Variants in KALRN observed in about 807,000 individuals in gnomAD.
KALRN encodes kalirin.
In KALRN, 70 loss-of-function variants were observed where a neutral mutation model predicts 353.7. The observed-to-expected ratio is 0.20, with a 90% CI of 0.16 to 0.24. The LOEUF (loss-of-function observed/expected upper bound fraction) is 0.24. Among genes scored for constraint, KALRN ranks in the 10% least tolerant of loss-of-function variants. KALRN has a pLI of 1.00. For synonymous variants in KALRN, 1,391 were observed against 1,434.8 expected (o/e 0.97, Z 0.69); for missense variants, 2,791 against 3,756.7 (o/e 0.74, Z 6.72).
chr3:124,536,234 A>C (rs1414825635), intron 33 of KALRN, among the ~76,000 whole-genome samples: 1 of 126,948 alleles, frequency 7.9e-6, no homozygotes, highest in Non-Finnish European at 1.6e-5. Flanking sequence ...GGAGTTTCAC[A>C]CTTGTCACCA....
intron 33 of KALRN, chr3:124,518,778 TCAGAACAGCAGGTACGCC>T: frequency 7.7e-7 from 1 of 1,295,744 alleles, no homozygotes; most frequent in African/African-American, 1.5e-5. Context: ...CAGATCCCAC[TCAGAACAGCAGGTACGCC>T]CAGGCTCCTG....
chr3:124,274,797 C>T (rs1007142427), intron 5 of KALRN, among the ~76,000 whole-genome samples: 10 of 152,158 alleles, frequency 6.6e-5, no homozygotes, highest in African/African-American at 1.9e-4. Context: ...CTGTGGCCTC[C>T]GTGGCTGCCT....
chr3:124,264,889 C>T (rs551943908), intron 4 of KALRN, among the ~76,000 whole-genome samples, 199 bp downstream of exon 4: 1 of 152,316 alleles, frequency 6.6e-6, no homozygotes, highest in South Asian at 2.1e-4. Context: ...CCCAAATGCA[C>T]ACCTTCATTA....
intron 5 of KALRN, among the ~76,000 whole-genome samples, chr3:124,275,355 G>A (rs1349614429): frequency 6.6e-6 from 1 of 152,054 alleles, no homozygotes; most frequent in Non-Finnish European, 1.5e-5. Flanking sequence ...CTTAACAATT[G>A]TATAATACTT....
At chr3:124,234,746 C>A in intron 2 of KALRN, 83 bp from the exon 3 acceptor site, 1 of 1,023,524 alleles carries the variant, frequency 9.8e-7, no homozygotes, top group South Asian at 1.4e-5. Context: ...GATCACCCAG[C>A]ACTCAGACAG....
At chr3:124,103,293 G>A (rs1439424819) in intron 1 of KALRN, among the ~76,000 whole-genome samples, 1 of 152,160 alleles carries the variant, frequency 6.6e-6, no homozygotes, top group Admixed American at 6.5e-5. Flanking sequence ...CATCCAGTGG[G>A]GTGGAGATTA....
At position 124,438,571 on chromosome 3, in the gene KALRN, A is replaced by G. The variant is rs543664457; in HGVS notation, c.3049-317A>G. Among the ~76,000 whole-genome samples the G allele has an allele frequency of 2.0e-5, 3 of 150,932 alleles. No individual in the cohort carries two copies. In the South Asian group the frequency reaches 6.2e-4, roughly 31 times the overall value. Reference sequence around the variant, plus strand: ...CCTAATTTATAGTTATTGTGAGATTATAACAATATAATGTGTAAAAACACT... The same window carrying G: ...CCTAATTTATAGTTATTGTGAGATTGTAACAATATAATGTGTAAAAACACT... On this transcript the variant is annotated intron_variant, in intron 17 of 59. Coordinates refer to ENST00000682506, the MANE Select transcript of KALRN (RefSeq NM_001388419.1).
intron 51 of KALRN, among the ~76,000 whole-genome samples, chr3:124,685,894 C>T (rs937163247): frequency 6.6e-6 from 1 of 152,166 alleles, no homozygotes; most frequent in Non-Finnish European, 1.5e-5. Flanking sequence ...CCAGAAGTTC[C>T]TCTAAGAGCC....
At chr3:124,653,127 C>T (rs1010920416) in intron 38 of KALRN, among the ~76,000 whole-genome samples, 1 of 152,106 alleles carries the variant, frequency 6.6e-6, no homozygotes, top group Non-Finnish European at 1.5e-5. Context: ...ACTTTATGGT[C>T]TTGATGAAAG....
At chr3:124,104,041 G>C (rs2062088058) in intron 1 of KALRN, among the ~76,000 whole-genome samples, 1 of 152,166 alleles carries the variant, frequency 6.6e-6, no homozygotes, top group African/African-American at 2.4e-5. Flanking sequence ...ACTTATAAGG[G>C]GGAGCTCTTC....
intron 57 of KALRN, among the ~76,000 whole-genome samples, chr3:124,712,348 T>C (rs2062931674): frequency 6.6e-6 from 1 of 152,196 alleles, no homozygotes; most frequent in Non-Finnish European, 1.5e-5. Context: ...ATAAAAATGT[T>C]TTTAAAATTA....
rs757002060 is a variant in KALRN, at chr3:124,334,625, A to G, written c.1647+130A>G. 6.2e-6 allele frequency: 4 copies of G among 646,146 alleles called. No homozygotes were observed. The highest frequency in any genetic ancestry group is 2.7e-5 in the East Asian group (1 of 36,534). The allele number at this position is 646,146 out of a possible 1,614,324, so 40.0% of individuals were successfully genotyped here. A position where few individuals can be genotyped will look rare whatever the true frequency, so the allele number is the denominator to read the frequency against. On this transcript the variant is annotated intron_variant, in intron 9 of 59. Coordinates refer to ENST00000682506, the MANE Select transcript of KALRN (RefSeq NM_001388419.1). The surrounding 1 kb of genome is among the most constrained non-coding windows in gnomAD (Gnocchi z 4.2). The stretch of plus-strand genomic sequence containing the variant: ...AGGACATAATGAAATTCAGCTCTCA[A>G]CTGCTCCACAGAACCCTACCAAAAC...
At chr3:124,140,188 C>T (rs929608954) in intron 1 of KALRN, among the ~76,000 whole-genome samples, 1 of 152,092 alleles carries the variant, frequency 6.6e-6, no homozygotes, top group African/African-American at 2.4e-5. Context: ...TCCAGAATGC[C>T]CCTCTCCTCC....
At chr3:124,227,663 G>GTTTTTTTTTTTTTTTTTTTT (rs747087120) in intron 1 of KALRN, among the ~76,000 whole-genome samples, 1 of 69,228 alleles carries the variant, frequency 1.4e-5, no homozygotes, top group South Asian at 6.2e-4. Context: ...CAACAGGGCT[G>GTTTTTTTTTTTTTTTTTTTT]TTTTTTTTTT....
At chr3:124,668,555 G>A (rs2085966965) in intron 47 of KALRN, among the ~76,000 whole-genome samples, 1 of 152,238 alleles carries the variant, frequency 6.6e-6, no homozygotes, top group Non-Finnish European at 1.5e-5. Context: ...AGGAGATCAT[G>A]TAACAGGATG....
chr3:124,083,574 C>A (rs2060650802), intron 1 of KALRN, among the ~76,000 whole-genome samples: 1 of 152,154 alleles, frequency 6.6e-6, no homozygotes, highest in South Asian at 2.1e-4. Flanking sequence ...TATTCTAAGC[C>A]CCTTACATTT....
chr3:124,701,837 G>A (rs1401650178), intron 56 of KALRN, among the ~76,000 whole-genome samples: 1 of 152,142 alleles, frequency 6.6e-6, no homozygotes, highest in African/African-American at 2.4e-5. Flanking sequence ...GGAGAGAGAA[G>A]CTGACTCTGT....
chr3:124,497,389 T>A (rs1404687097), intron 33 of KALRN, among the ~76,000 whole-genome samples: 1 of 152,218 alleles, frequency 6.6e-6, no homozygotes, highest in African/African-American at 2.4e-5. Context: ...CTTAGTTTTC[T>A]AAGTTATAGG....
At chr3:124,456,851 G>A (rs2059355558) in intron 23 of KALRN, 123 bp downstream of exon 23, 1 of 608,154 alleles carries the variant, frequency 1.6e-6, no homozygotes, top group Non-Finnish European at 3.0e-6. Flanking sequence ...GGGATGGACA[G>A]ACATAATGTT....
Sources: allele counts gnomAD v4.1 joint callset (sites outside exome capture counted in the v4.1 genomes callset), GRCh38; gene constraint gnomAD v4.1.1; non-coding constraint Gnocchi (gnomAD v3.1); transcripts MANE v1.5; gene names NCBI Gene and HGNC (gene_info 2026-07-23, HGNC 2026-07-21).